ABHD3: variants seen among roughly 807,000 people sequenced by gnomAD.
The protein encoded by ABHD3 is phospholipase ABHD3.
Under a neutral mutation model 48.8 loss-of-function variants are expected in ABHD3, and 46 were observed. That is an observed-to-expected ratio of 0.94 (90% CI 0.74 to 1.20). The LOEUF is 1.20. Among genes scored for constraint, ABHD3 ranks in the 50% most tolerant of loss-of-function variants. The pLI, the probability that ABHD3 is intolerant of heterozygous loss-of-function variation, is 0.00. For missense variants in ABHD3, 490 were observed against 497.8 expected (o/e 0.98, Z 0.15); for synonymous variants, 192 against 183.7 (o/e 1.04, Z -0.36).
Position 21,692,110 on chromosome 18 carries a change from C to T in ABHD3, c.510-8145G>A, listed in dbSNP as rs184564405. Among the ~76,000 whole-genome samples the T allele has an allele frequency of 2.0e-3, 312 of 152,258 alleles. 3 individuals are homozygous for T. The highest frequency in any genetic ancestry group is 3.1e-3 in the Non-Finnish European group (213 of 68,012). ...GATTACAGGCGTCCACCACCACACT[C>T]GGCTAATTTTCGTATTTTTAGTAGT... On this transcript the variant is annotated intron_variant, in intron 3 of 8. Transcript: ENST00000289119.
intron 4 of ABHD3, among the ~76,000 whole-genome samples, chr18:21,667,863 C>T (rs1254582970): frequency 6.6e-6 from 1 of 151,992 alleles, no homozygotes; most frequent in Non-Finnish European, 1.5e-5. Context: ...ACGTCAATCA[C>T]AAGGGGCGGG....
At chr18:21,700,322 C>T (rs1163396683) in intron 3 of ABHD3, among the ~76,000 whole-genome samples, 1 of 152,048 alleles carries the variant, frequency 6.6e-6, no homozygotes, top group Non-Finnish European at 1.5e-5. Flanking sequence ...GAACTCCTGA[C>T]CTTGTGATCT....
intron 4 of ABHD3, among the ~76,000 whole-genome samples, chr18:21,668,667 AGG>A (rs2146297264): frequency 6.6e-6 from 1 of 152,312 alleles, no homozygotes; most frequent in African/African-American, 2.4e-5. Context: ...GTAAAGCACC[AGG>A]GTTCCATGAG....
chr18:21,657,727 G>A (rs966211064), intron 6 of ABHD3, among the ~76,000 whole-genome samples: 4 of 151,982 alleles, frequency 2.6e-5, no homozygotes, highest in Non-Finnish European at 2.9e-5. Flanking sequence ...CAAATCAACA[G>A]TACTTTTAAA....
intron 3 of ABHD3, among the ~76,000 whole-genome samples, chr18:21,695,172 A>T (rs2040341868): frequency 6.6e-6 from 1 of 152,154 alleles, no homozygotes; most frequent in African/African-American, 2.4e-5. Flanking sequence ...AGCTGGGATT[A>T]CAGGCACCCG....
chr18:21,703,706 G>T lies in ABHD3; in HGVS notation c.204C>A (p.Phe68Leu). 1 of 1,614,078 alleles carries T rather than the reference G, an allele frequency of 6.2e-7. No individual in the cohort carries two copies. The highest frequency in any genetic ancestry group is 8.5e-7 in the Non-Finnish European group (1 of 1,180,006). The change falls in exon 2 of 9, where the codon TTC (phenylalanine) becomes TTA (leucine). Residue 68 changes from phenylalanine (F) to leucine (L), a missense_variant. Coordinates refer to ENST00000289119, the MANE Select transcript of ABHD3 (RefSeq NM_138340.5). Reference protein sequence around the residue: ...LVTGGESFSRFLQDHCPVVTE... With the variant: ...LVTGGESFSRLLQDHCPVVTE... ...TAACCACGGGACAGTGGTCTTGAAG[G>T]AAGCGGCTGAAACTCTCACCCCCGG...
At chr18:21,654,538 C>T (rs1209696058) in intron 8 of ABHD3, among the ~76,000 whole-genome samples, 3 of 152,184 alleles carry the variant, frequency 2.0e-5, no homozygotes, top group African/African-American at 7.2e-5. Flanking sequence ...CAAGAAAGAA[C>T]ACCTAAAAGT....
chr18:21,703,933 G>A (rs1303382287), intron 1 of ABHD3, 186 bp from the exon 2 acceptor site: 1 of 595,336 alleles, frequency 1.7e-6, no homozygotes, highest in Non-Finnish European at 2.9e-6. Context: ...TGCCCCGAGG[G>A]GAAGGCGAGA....
intron 2 of ABHD3, among the ~76,000 whole-genome samples, chr18:21,703,212 C>CA: frequency 9.0e-6 from 1 of 110,832 alleles, no homozygotes; most frequent in African/African-American, 3.4e-5. Context: ...GCATCCTTCT[C>CA]ACCCCACCCC....
Position 21,704,714 on chromosome 18 carries a change from G to GGCGAGCGGGC in ABHD3, c.-59_-50dup, listed in dbSNP as rs1341333605. On this transcript the variant is annotated 5_prime_UTR_variant, in exon 1 of 9. Coordinates refer to ENST00000289119, the MANE Select transcript of ABHD3 (RefSeq NM_138340.5). ...TCCTGCGGCGGGAGGAGAGCCGGCTGGCGAGCGGGCGAGAGCGGGCGAGAG... is the reference window on the plus strand; with the variant it reads ...TCCTGCGGCGGGAGGAGAGCCGGCTGGCGAGCGGGCGCGAGCGGGCGAGAGCGGGCGAGAG... The GGCGAGCGGGC allele has an allele frequency of 6.1e-5, 74 of 1,210,744 alleles. 1 individual carries two copies. The African/African-American group carries it at 1.5e-3, about 24-fold the overall frequency. The allele number at this position is 1,210,744 out of a possible 1,614,324, so 75.0% of individuals were successfully genotyped here.
chr18:21,661,031 C>T lies in ABHD3; in HGVS notation c.669-1688G>A, dbSNP rs887222048. ...CAGCAAAATGATGCTAAGATGTTAT[C>T]CCCAAAAAGACTGTTTTACTTCTAT... On this transcript the variant is annotated intron_variant, in intron 5 of 8. Coordinates refer to ENST00000289119, the MANE Select transcript of ABHD3 (RefSeq NM_138340.5). 8.7e-5 allele frequency among the ~76,000 whole-genome samples: 13 copies of T among 149,126 alleles called. No homozygotes were observed. The East Asian group carries it at 2.5e-3, about 29-fold the overall frequency.
At chr18:21,677,448 G>C (rs1045810334) in intron 4 of ABHD3, among the ~76,000 whole-genome samples, 1 of 150,244 alleles carries the variant, frequency 6.7e-6, no homozygotes, top group Non-Finnish European at 1.5e-5. Flanking sequence ...CTCGTGACCC[G>C]CCCGCCTGGG....
At chr18:21,686,315 A>C (rs2040127938) in intron 3 of ABHD3, among the ~76,000 whole-genome samples, 1 of 152,242 alleles carries the variant, frequency 6.6e-6, no homozygotes. Flanking sequence ...AACCGGTGCT[A>C]AAGTTAATTA....
chr18:21,659,641 C>A (rs528059695), intron 5 of ABHD3, among the ~76,000 whole-genome samples: 1 of 151,782 alleles, frequency 6.6e-6, no homozygotes, highest in Admixed American at 6.6e-5. Context: ...GATGTGACTG[C>A]ATGCTGGAAT....
chr18:21,700,884 A>C (rs1004139364), intron 3 of ABHD3, among the ~76,000 whole-genome samples: 1 of 146,258 alleles, frequency 6.8e-6, no homozygotes, highest in African/African-American at 2.6e-5. Context: ...TCACGCCTGT[A>C]AGAGACTGCA....
chr18:21,676,689 C>T (rs1324625514), intron 4 of ABHD3, among the ~76,000 whole-genome samples: 2 of 152,226 alleles, frequency 1.3e-5, no homozygotes, highest in African/African-American at 2.4e-5. Flanking sequence ...CCGCATCCGG[C>T]CTTAAGTTGG....
At chr18:21,683,470 T>TA (rs766227553) in intron 4 of ABHD3, 7 of 468,396 alleles carry the variant, frequency 1.5e-5, no homozygotes, top group Non-Finnish European at 1.3e-5. Context: ...CTGTATTAGT[T>TA]AATTTGTTTT....
intron 5 of ABHD3, among the ~76,000 whole-genome samples, chr18:21,660,728 G>C (rs1034246162): frequency 2.0e-5 from 3 of 152,132 alleles, no homozygotes; most frequent in Non-Finnish European, 4.4e-5. Flanking sequence ...ATGGAAAGTG[G>C]ACATTTAGCT....
intron 5 of ABHD3, among the ~76,000 whole-genome samples, chr18:21,659,797 T>C (rs546957344): frequency 1.3e-5 from 2 of 152,188 alleles, no homozygotes; most frequent in East Asian, 3.9e-4. Flanking sequence ...GCCTCCCGCG[T>C]AGCTGGGATT....
Sources: gnomAD v4.1 joint callset for allele counts (sites outside exome capture counted in the v4.1 genomes callset) on GRCh38, gnomAD v4.1.1 for gene constraint, MANE v1.5 for transcripts, NCBI Gene and HGNC (gene_info 2026-07-23, HGNC 2026-07-21) for gene names.